Variants in TDRD12 observed in about 807,000 individuals in gnomAD.
TDRD12 encodes the protein putative ATP-dependent RNA helicase TDRD12.
Under a neutral mutation model 133.5 loss-of-function variants are expected in TDRD12, and 158 were observed. The observed-to-expected ratio is 1.18, with a 90% CI of 1.04 to 1.35. The LOEUF is 1.35. Among genes scored for constraint, TDRD12 ranks in the 40% most tolerant of loss-of-function variants. The probability of loss-of-function intolerance (pLI) is 0.00; values close to 1 mark genes in which losing one functional copy is unlikely to be tolerated. For missense variants in TDRD12, 1,443 were observed against 1,321.3 expected (o/e 1.09, Z -1.43); for synonymous variants, 460 against 477.9 (o/e 0.96, Z 0.49).
At chr19:32,822,619 C>T (rs1181663927), downstream of TDRD12, among the ~76,000 whole-genome samples, 7 of 151,714 alleles carry the variant, frequency 4.6e-5, no homozygotes, top group Non-Finnish European at 1.5e-5. Flanking sequence ...TGGTGGTGGG[C>T]ACCTGTAGTC....
exon 10 of TDRD12, chr19:32,827,545 A>G (rs1967635658): frequency 5.6e-6 from 1 of 178,414 alleles, no homozygotes; most frequent in Admixed American, 6.3e-5. Flanking sequence ...ATGCCTGACC[A>G]ATTTTTGTAT....
At chr19:32,798,194 CAGTGTTTTACTTCATT>C (rs1311636749) in intron 15 of TDRD12, 98 bp from the exon 16 acceptor site, 1 of 1,015,840 alleles carries the variant, frequency 9.8e-7, no homozygotes, top group African/African-American at 1.6e-5. Flanking sequence ...AGGACAGAAA[CAGTGTTTTACTTCATT>C]AGAAGGCATT....
rs957722108 is a variant in TDRD12, at chr19:32,748,420, T to C, written c.441-56T>C. ...CAGTGCATGGTTTACAAAATGCTGT[T>C]GGTGTGCTAGCCTCAGATTTTTATG... is the stretch of plus-strand genomic sequence containing the variant. On this transcript the variant is annotated intron_variant, in intron 4 of 27. Coordinates refer to ENST00000444215, the Ensembl canonical transcript of TDRD12. 5.3e-6 allele frequency: 8 copies of C among 1,505,254 alleles called. No individual in the cohort carries two copies. In the South Asian group the frequency reaches 9.9e-5, roughly 19 times the overall value. The allele number at this position is 1,505,254 out of a possible 1,614,324, so 93.2% of individuals were successfully genotyped here. A position where few individuals can be genotyped will look rare whatever the true frequency, so the allele number is the denominator to read the frequency against.
At position 32,800,845 on chromosome 19, in the gene TDRD12, T is replaced by C. The variant is rs1271782231; in HGVS notation, c.2079+73T>C. 3.6e-6 allele frequency: 5 copies of C among 1,403,814 alleles called. No homozygotes were observed. The Admixed American group carries it at 1.4e-4, about 40-fold the overall frequency. The allele number at this position is 1,403,814 out of a possible 1,614,324, so 87.0% of individuals were successfully genotyped here. On this transcript the variant is annotated intron_variant, in intron 18 of 27. Coordinates refer to ENST00000444215, the Ensembl canonical transcript of TDRD12. ...GAATCTCAAGTCATCACAAAATTAC[T>C]GGGGTGGTTGACTCTGTGGCAGGGA...
intron 8 of TDRD12, among the ~76,000 whole-genome samples, chr19:32,763,239 A>T (rs1210121297): frequency 6.6e-6 from 1 of 151,806 alleles, no homozygotes; most frequent in Non-Finnish European, 1.5e-5. Flanking sequence ...TTTTTCTACC[A>T]TTTGTGATTT....
chr19:32,777,013 C>T (rs1455406928), intron 10 of TDRD12, 136 bp from the exon 11 acceptor site: 4 of 590,888 alleles, frequency 6.8e-6, no homozygotes, highest in South Asian at 2.0e-5. Context: ...CTTGGCCTCC[C>T]GAGTTGCTGG....
At chr19:32,821,389 T>TGTGTGC, downstream of TDRD12, 1 of 415,742 alleles carries the variant, frequency 2.4e-6, no homozygotes, top group South Asian at 3.9e-5. Context: ...TGTGTGTGTG[T>TGTGTGC]GTGTGTGTGT....
intron 8 of TDRD12, among the ~76,000 whole-genome samples, chr19:32,767,092 T>TTTTTTTTATTTA (rs1165846951): frequency 7.3e-6 from 1 of 137,460 alleles, no homozygotes; most frequent in Non-Finnish European, 1.6e-5. Context: ...TTTTCATGCA[T>TTTTTTTTATTTA]TTTATTTATT....
exon 10 of TDRD12, chr19:32,829,322 G>C (rs1181977717): frequency 1.3e-5 from 2 of 152,220 alleles, no homozygotes; most frequent in African/African-American, 4.8e-5. Context: ...GCTTAGATCT[G>C]TTTCTTTTTT....
chr19:32,790,517 T>C lies in TDRD12; in HGVS notation c.1122-14T>C. On this transcript the variant is annotated splice_polypyrimidine_tract_variant and intron_variant, in intron 11 of 27. Transcript: ENST00000444215. ...CACCTTTTTCTTCACATTCTTCTTT[T>C]AACTATCTTACAGATTACTGCAGTT... The C allele has an allele frequency of 1.3e-6, 2 of 1,549,890 alleles. No homozygotes were observed. The highest frequency in any genetic ancestry group is 1.7e-6 in the Non-Finnish European group (2 of 1,146,208).
intron 4 of TDRD12, 121 bp from the exon 5 acceptor site, chr19:32,748,355 C>G (rs2145510210): frequency 2.0e-6 from 2 of 983,486 alleles, no homozygotes; most frequent in East Asian, 2.7e-5. Context: ...GGTGCCCCAT[C>G]ATCTGCATCA....
intron 1 of TDRD12, among the ~76,000 whole-genome samples, chr19:32,729,136 T>C (rs1479699380): frequency 6.7e-6 from 1 of 149,644 alleles, no homozygotes; most frequent in Non-Finnish European, 1.5e-5. Flanking sequence ...ATAGCTGTTT[T>C]TAAGTCCTCG....
chr19:32,742,362 T>G (rs905410667), intron 3 of TDRD12, among the ~76,000 whole-genome samples: 5 of 152,136 alleles, frequency 3.3e-5, no homozygotes, highest in Admixed American at 3.3e-4. Context: ...GGTTTCACCA[T>G]GTTGGCCAGG....
At chr19:32,736,495 A>G (rs1969228219) in intron 2 of TDRD12, among the ~76,000 whole-genome samples, 1 of 152,204 alleles carries the variant, frequency 6.6e-6, no homozygotes, top group Non-Finnish European at 1.5e-5. Flanking sequence ...CCTCATTTTG[A>G]AGGTTGGCTG....
chr19:32,806,973 CTT>C (rs1364436052), intron 21 of TDRD12, among the ~76,000 whole-genome samples: 1 of 152,108 alleles, frequency 6.6e-6, no homozygotes, highest in African/African-American at 2.4e-5. Flanking sequence ...CAAATACTGA[CTT>C]TTAAAACGGC....
At chr19:32,826,398 T>A (rs1289909776) in intron 8 of TDRD12, 41 bp downstream of exon 30, 2 of 1,066,844 alleles carry the variant, frequency 1.9e-6, no homozygotes, top group Non-Finnish European at 2.3e-6. Flanking sequence ...ATAGAAATAA[T>A]TTTTAGCATT....
At chr19:32,744,028 CAAAAAA>C (rs1046198554) in intron 4 of TDRD12, among the ~76,000 whole-genome samples, 3 of 80,456 alleles carry the variant, frequency 3.7e-5, no homozygotes, top group South Asian at 7.3e-4. Flanking sequence ...AACTCCATCT[CAAAAAA>C]AAAAAAAAAA....
At chr19:32,738,771 C>T (rs1969301008) in intron 2 of TDRD12, 85 bp from the exon 3 acceptor site, 8 of 1,381,294 alleles carry the variant, frequency 5.8e-6, no homozygotes, top group Non-Finnish European at 7.9e-6. Flanking sequence ...TGAGATTGTG[C>T]CACTGCACTC....
intron 16 of TDRD12, among the ~76,000 whole-genome samples, chr19:32,799,206 T>G (rs74959595): frequency 6.6e-6 from 1 of 150,968 alleles, no homozygotes; most frequent in Non-Finnish European, 1.5e-5. Flanking sequence ...CAGTTTTGAG[T>G]CCAGGCTTTG....
Sources: gnomAD v4.1 joint callset for allele counts (sites outside exome capture counted in the v4.1 genomes callset) on GRCh38, gnomAD v4.1.1 for gene constraint, MANE v1.5 for transcripts, NCBI Gene and HGNC (gene_info 2026-07-23, HGNC 2026-07-21) for gene names.